The following GABRR1 variants were observed in gnomAD, a reference collection of about 807,000 sequenced individuals.
The protein encoded by GABRR1 is gamma-aminobutyric acid receptor subunit rho-1.
A neutral mutation model predicts 55.5 loss-of-function variants in GABRR1; 59 were observed. The observed-to-expected ratio is 1.06, with a 90% CI of 0.86 to 1.32. GABRR1 has a LOEUF of 1.32. Ranked by LOEUF, GABRR1 falls within the 40% of genes most tolerant of loss-of-function variation. GABRR1 has a pLI of 0.00. For synonymous variants in GABRR1, 213 were observed against 226.0 expected (o/e 0.94, Z 0.51); for missense variants, 602 against 619.1 (o/e 0.97, Z 0.29).
chr6:89,204,743 T>C, intron 1 of GABRR1: 1 of 906,222 alleles, frequency 1.1e-6, no homozygotes, highest in Non-Finnish European at 1.5e-6. Context: ...GTCTTTTTCA[T>C]TATTAATATT....
intron 1 of GABRR1, among the ~76,000 whole-genome samples, chr6:89,206,904 C>T (rs748581084): frequency 1.3e-5 from 2 of 152,164 alleles, no homozygotes; most frequent in African/African-American, 4.8e-5. Context: ...ATTTGTGAGC[C>T]ACCATGCCCG....
In GABRR1 at chr6:89,178,564, C is replaced by T. The variant is rs1216202380; in HGVS notation, c.*206G>A. 8.6e-6 allele frequency: 5 copies of T among 583,688 alleles called. No individual in the cohort carries two copies. In the African/African-American group the frequency reaches 9.3e-5, roughly 11 times the overall value. The allele number at this position is 583,688 out of a possible 1,614,324, so 36.2% of individuals were successfully genotyped here. ...ATTTCCTGCAGCACCTAATATAATG[C>T]TGTGTATTCAATAGATGGTTAATAA... On this transcript the variant is annotated 3_prime_UTR_variant, in exon 10 of 10. Coordinates refer to ENST00000454853, the MANE Select transcript of GABRR1 (RefSeq NM_002042.5).
chr6:89,226,179 G>A (rs1382934742), intron 1 of GABRR1, among the ~76,000 whole-genome samples: 1 of 151,572 alleles, frequency 6.6e-6, no homozygotes, highest in African/African-American at 2.4e-5. Flanking sequence ...TTTGTCAGAT[G>A]AGTAGGTTGC....
chr6:89,198,371 A>T (rs1376525781), intron 4 of GABRR1, 128 bp from the exon 5 acceptor site: 1 of 497,494 alleles, frequency 2.0e-6, no homozygotes, highest in Admixed American at 2.6e-5. Context: ...TTTTGCTTCT[A>T]GTCTCCAGAG....
chr6:89,197,223 A>G (rs1772324070), intron 5 of GABRR1, among the ~76,000 whole-genome samples: 1 of 152,200 alleles, frequency 6.6e-6, no homozygotes, highest in Admixed American at 6.5e-5. Context: ...CTACTTATAC[A>G]CTGATGTGTG....
At chr6:89,184,051 C>A (rs1294193773) in intron 7 of GABRR1, among the ~76,000 whole-genome samples, 1 of 152,050 alleles carries the variant, frequency 6.6e-6, no homozygotes, top group Non-Finnish European at 1.5e-5. Flanking sequence ...ACCAGCCTGG[C>A]CAACATGGTG....
upstream of GABRR1, among the ~76,000 whole-genome samples, chr6:89,220,265 G>T (rs556868658): frequency 6.6e-6 from 1 of 152,174 alleles, no homozygotes; most frequent in South Asian, 2.1e-4. Flanking sequence ...CCTCAAACAC[G>T]CATTTCCTAC....
At chr6:89,196,193 T>C (rs1364255384) in intron 5 of GABRR1, among the ~76,000 whole-genome samples, 1 of 152,238 alleles carries the variant, frequency 6.6e-6, no homozygotes, top group Non-Finnish European at 1.5e-5. Flanking sequence ...GATAGAATTA[T>C]AAAAACTTAT....
In GABRR1 at chr6:89,185,415, T is replaced by A; in HGVS notation, c.691A>T (p.Lys231Ter). ...GTCTTTAAGGAGTCATTGCCCTTTT[T>A]CCAGTACAGCATGAGGTCATCTTCT... ...YTEDDLMLYW[K>*]KGNDSLKTDE... The change falls in exon 7 of 10, where the codon AAA (lysine) becomes TAA (stop). Residue 231 changes from lysine to a stop codon, truncating the protein, a stop_gained. Transcript: ENST00000454853. LOFTEE classifies it high-confidence loss of function. 6.2e-7 allele frequency: 1 copy of A among 1,613,744 alleles called. No individual in the cohort carries two copies.
intron 1 of GABRR1, among the ~76,000 whole-genome samples, chr6:89,212,468 C>T (rs1158066706): frequency 6.6e-6 from 1 of 151,964 alleles, no homozygotes; most frequent in Admixed American, 6.6e-5. Flanking sequence ...AGCTCCTCTT[C>T]ACCTTCAGAA....
At chr6:89,199,769 G>A (rs1311079159) in intron 3 of GABRR1, among the ~76,000 whole-genome samples, 1 of 152,154 alleles carries the variant, frequency 6.6e-6, no homozygotes, top group Non-Finnish European at 1.5e-5. Flanking sequence ...TTCTGGTGTT[G>A]CACCCTCTTT....
chr6:89,203,443 C>T lies in GABRR1; in HGVS notation c.165G>A (p.Lys55=), dbSNP rs750103108. The part of the protein sequence containing the change: ...QRREVHEDAH[K]QVSPILRRSP... The stretch of plus-strand genomic sequence containing the variant: ...CGTGCTTATGGCCATACCTGACTTG[C>T]TTGTGGGCATCTTCATGTACTTCTC... Residue 55 remains lysine, a synonymous_variant, in exon 2 of 10, where the codon AAG becomes AAA. Coordinates refer to ENST00000454853, the MANE Select transcript of GABRR1 (RefSeq NM_002042.5). The T allele has an allele frequency of 5.0e-6, 8 of 1,613,240 alleles. No homozygotes were observed. The East Asian group carries it at 1.6e-4, about 31-fold the overall frequency.
At chr6:89,218,161 C>T (rs772810414), upstream of GABRR1, among the ~76,000 whole-genome samples, 6 of 152,024 alleles carry the variant, frequency 3.9e-5, no homozygotes, top group African/African-American at 1.4e-4. Flanking sequence ...TGGAAGAGAC[C>T]GCATTAGGTA....
chr6:89,194,243 C>G (rs1455866050), intron 5 of GABRR1, among the ~76,000 whole-genome samples: 1 of 152,134 alleles, frequency 6.6e-6, no homozygotes, highest in Non-Finnish European at 1.5e-5. Context: ...TGGGCACGAA[C>G]CCCTAGCCAG....
intron 9 of GABRR1, 152 bp downstream of exon 9, chr6:89,180,140 C>A: frequency 2.5e-6 from 2 of 810,648 alleles, no homozygotes; most frequent in East Asian, 2.8e-5. Flanking sequence ...TGAAATACAC[C>A]AATTTGTTTG....
In GABRR1 at chr6:89,177,922, C is replaced by A. The variant is rs1358529207; in HGVS notation, c.*848G>T. On this transcript the variant is annotated 3_prime_UTR_variant, in exon 10 of 10. Coordinates refer to ENST00000454853, the MANE Select transcript of GABRR1 (RefSeq NM_002042.5). ...TTTATGCAGAAGAAATCATTCTCTA[C>A]CCAAGTTCCTCAGTGAAGATATCAC... The A allele has an allele frequency of 6.6e-6, 1 of 152,164 alleles. No homozygotes were observed. Among genetic ancestry groups the A allele is most frequent in the Non-Finnish European group, 1.5e-5 (1 of 68,044 alleles). 9.4% of individuals were successfully genotyped at this position (152,164 alleles called of 1,614,324 possible). A position where few individuals can be genotyped will look rare whatever the true frequency, so the allele number is the denominator to read the frequency against.
intron 6 of GABRR1, among the ~76,000 whole-genome samples, chr6:89,187,099 A>G (rs1011437660): frequency 6.6e-6 from 1 of 152,074 alleles, no homozygotes; most frequent in Admixed American, 6.6e-5. Context: ...TGTGGGAGAA[A>G]GTGTTTGGGC....
chr6:89,196,826 A>AGAAG (rs1339963127), intron 5 of GABRR1, among the ~76,000 whole-genome samples: 3 of 65,740 alleles, frequency 4.6e-5, no homozygotes, highest in East Asian at 3.5e-4. Context: ...AAAGAAGGAA[A>AGAAG]GAAAGAAAGA....
chr6:89,223,825 A>T (rs1773152328), intron 1 of GABRR1, among the ~76,000 whole-genome samples: 1 of 148,496 alleles, frequency 6.7e-6, no homozygotes, highest in African/African-American at 2.5e-5. Context: ...GTGCAATGGC[A>T]CCATCTTGGC....
Sources: allele counts gnomAD v4.1 joint callset (sites outside exome capture counted in the v4.1 genomes callset), GRCh38; gene constraint gnomAD v4.1.1; transcripts MANE v1.5; gene names NCBI Gene and HGNC (gene_info 2026-07-23, HGNC 2026-07-21).